The following FAM89A variants were observed in gnomAD, a reference collection of about 807,000 sequenced individuals.
FAM89A encodes protein FAM89A.
FAM89A carries 10 observed loss-of-function variants against 7.1 expected under a neutral mutation model. That is an observed-to-expected ratio of 1.40 (90% CI 0.86 to 2.38). The LOEUF (loss-of-function observed/expected upper bound fraction) is 2.38, where lower values mean the gene tolerates loss of function less well. Ranked by LOEUF, FAM89A falls within the 30% of genes most tolerant of loss-of-function variation. FAM89A has a pLI of 0.00. For missense variants in FAM89A, 276 were observed against 262.8 expected (o/e 1.05, Z -0.35); for synonymous variants, 157 against 129.3 (o/e 1.21, Z -1.45).
chr1:231,039,258 C>A lies in FAM89A; in HGVS notation c.291+663G>T, dbSNP rs182882878. 2.0e-5 allele frequency among the ~76,000 whole-genome samples: 3 copies of A among 152,356 alleles called. No homozygotes were observed. The East Asian group carries it at 5.8e-4, about 29-fold the overall frequency. ...AGGCGAAGAACTCACATGGACAGCA[C>A]CCAGACCGGGAGGACAGCCACCTCC... On this transcript the variant is annotated intron_variant, in intron 1 of 1. Transcript: ENST00000366654.
chr1:231,033,552 C>T (rs1321264037), intron 1 of FAM89A, among the ~76,000 whole-genome samples: 1 of 152,176 alleles, frequency 6.6e-6, no homozygotes, highest in Non-Finnish European at 1.5e-5. Context: ...GCAGGGGAGG[C>T]ACCGCTGTCT....
chr1:231,025,183 G>C (rs1023498573), intron 1 of FAM89A, among the ~76,000 whole-genome samples: 1 of 151,566 alleles, frequency 6.6e-6, no homozygotes, highest in South Asian at 2.1e-4. Context: ...CGGCCTCCCA[G>C]AGTGCTGGGA....
chr1:231,039,630 C>A (rs1441900804), intron 1 of FAM89A, among the ~76,000 whole-genome samples: 1 of 152,186 alleles, frequency 6.6e-6, no homozygotes, highest in Non-Finnish European at 1.5e-5. Context: ...ACGAACCCCG[C>A]ACAGCGCTTC....
At chr1:231,020,499 C>G (rs776804107) in intron 1 of FAM89A, among the ~76,000 whole-genome samples, 1 of 152,152 alleles carries the variant, frequency 6.6e-6, no homozygotes, top group Non-Finnish European at 1.5e-5. Flanking sequence ...CAATCAGACT[C>G]GGAGAAGACC....
Position 231,019,200 on chromosome 1 carries a change from A to T in FAM89A, c.*663T>A, listed in dbSNP as rs1479966401. ...CTTTTTTTTTTTTTCACTATTCAAC[A>T]TGTCTTCGTATTATCTTCCTTCCTC... On this transcript the variant is annotated 3_prime_UTR_variant, in exon 2 of 2. Coordinates refer to ENST00000366654, the MANE Select transcript of FAM89A (RefSeq NM_198552.3). 2.0e-5 allele frequency: 3 copies of T among 149,596 alleles called. No individual in the cohort carries two copies. The highest frequency in any genetic ancestry group is 4.4e-5 in the Non-Finnish European group (3 of 67,586). The allele number at this position is 149,596 out of a possible 1,614,324, so 9.3% of individuals were successfully genotyped here. A position where few individuals can be genotyped will look rare whatever the true frequency, so the allele number is the denominator to read the frequency against.
At chr1:231,033,914 C>T (rs972060537) in intron 1 of FAM89A, among the ~76,000 whole-genome samples, 2 of 152,104 alleles carry the variant, frequency 1.3e-5, no homozygotes, top group Non-Finnish European at 2.9e-5. Context: ...CTGTCCCCCA[C>T]CCCACACCAA....
rs1558252960 is a variant in FAM89A at position 231,019,706 on chromosome 1, G to A, written c.*157C>T. The A allele has an allele frequency of 6.3e-6, 5 of 790,966 alleles. No homozygotes were observed. Among genetic ancestry groups the A allele is most frequent in the East Asian group, 2.7e-5 (1 of 36,882 alleles). The allele number at this position is 790,966 out of a possible 1,614,324, so 49.0% of individuals were successfully genotyped here. A position where few individuals can be genotyped will look rare whatever the true frequency, so the allele number is the denominator to read the frequency against. On this transcript the variant is annotated 3_prime_UTR_variant, in exon 2 of 2. Coordinates refer to ENST00000366654, the MANE Select transcript of FAM89A (RefSeq NM_198552.3). ...AAGCAGACTGCCACCATGCATCCGC[G>A]GAGAACTCCCTGCCTACAAATGAAA...
rs939726036 is a variant in FAM89A at position 231,019,206 on chromosome 1, T to C, written c.*657A>G. 1 of 151,572 alleles carries C rather than the reference T, an allele frequency of 6.6e-6. No individual in the cohort carries two copies. The highest frequency in any genetic ancestry group is 1.5e-5 in the Non-Finnish European group (1 of 67,936). The allele number at this position is 151,572 out of a possible 1,614,324, so 9.4% of individuals were successfully genotyped here. A position where few individuals can be genotyped will look rare whatever the true frequency, so the allele number is the denominator to read the frequency against. ...TTTTTTTTCACTATTCAACATGTCT[T>C]CGTATTATCTTCCTTCCTCTCGTAT... On this transcript the variant is annotated 3_prime_UTR_variant, in exon 2 of 2. Coordinates refer to ENST00000366654, the MANE Select transcript of FAM89A (RefSeq NM_198552.3).
chr1:231,020,859 T>G (rs1679863838), intron 1 of FAM89A, among the ~76,000 whole-genome samples: 1 of 152,232 alleles, frequency 6.6e-6, no homozygotes, highest in Admixed American at 6.5e-5. Flanking sequence ...CTTGTTTATC[T>G]TCCAGTTCCT....
chr1:231,019,267 A>G lies in FAM89A; in HGVS notation c.*596T>C, dbSNP rs2103068398. 1 of 152,186 alleles carries G rather than the reference A, an allele frequency of 6.6e-6. No homozygotes were observed. The highest frequency in any genetic ancestry group is 1.9e-4 in the East Asian group (1 of 5,180). The allele number at this position is 152,186 out of a possible 1,614,324, so 9.4% of individuals were successfully genotyped here. A position where few individuals can be genotyped will look rare whatever the true frequency, so the allele number is the denominator to read the frequency against. On this transcript the variant is annotated 3_prime_UTR_variant, in exon 2 of 2. Coordinates refer to ENST00000366654, the MANE Select transcript of FAM89A (RefSeq NM_198552.3). ...AAGAATGATATAAAATTTTGGTTGA[A>G]AAAAGCCAGTTGATTGGGATGACTA...
At chr1:231,031,941 A>G (rs149737474) in intron 1 of FAM89A, among the ~76,000 whole-genome samples, 1 of 152,326 alleles carries the variant, frequency 6.6e-6, no homozygotes, top group African/African-American at 2.4e-5. Flanking sequence ...ATTGTGGGGG[A>G]CAAGGAGGAC....
chr1:231,034,517 A>C (rs1169927077), intron 1 of FAM89A, among the ~76,000 whole-genome samples: 1 of 151,856 alleles, frequency 6.6e-6, no homozygotes, highest in African/African-American at 2.4e-5. Flanking sequence ...TCACGCCTGT[A>C]ATCCCAGCAC....
chr1:231,021,748 T>G, intron 1 of FAM89A: 6 of 1,602,162 alleles, frequency 3.7e-6, no homozygotes, highest in Non-Finnish European at 5.1e-6. Context: ...GAGATGAAAT[T>G]GTTGACCTCA....
chr1:231,029,574 C>G (rs919061020), intron 1 of FAM89A, among the ~76,000 whole-genome samples: 2 of 152,134 alleles, frequency 1.3e-5, no homozygotes, highest in Non-Finnish European at 2.9e-5. Flanking sequence ...GTGACCAGAT[C>G]TGCAGGACTC....
chr1:231,035,016 C>T (rs572169728), intron 1 of FAM89A, among the ~76,000 whole-genome samples: 1 of 152,334 alleles, frequency 6.6e-6, no homozygotes, highest in Non-Finnish European at 1.5e-5. Context: ...GAATGCTGCA[C>T]TAGGAGCGAA....
At chr1:231,025,736 A>C (rs1558254914) in intron 1 of FAM89A, among the ~76,000 whole-genome samples, 1 of 152,068 alleles carries the variant, frequency 6.6e-6, no homozygotes, top group Non-Finnish European at 1.5e-5. Flanking sequence ...GAAAGAAAGA[A>C]GGAAGAAAGG....
chr1:231,031,977 C>T (rs1680077741), intron 1 of FAM89A, among the ~76,000 whole-genome samples: 1 of 152,166 alleles, frequency 6.6e-6, no homozygotes, highest in African/African-American at 2.4e-5. Flanking sequence ...CCCAAGGCGC[C>T]TTTCCAATCC....
At chr1:231,024,337 T>G (rs1396641091) in intron 1 of FAM89A, among the ~76,000 whole-genome samples, 1 of 152,156 alleles carries the variant, frequency 6.6e-6, no homozygotes, top group Non-Finnish European at 1.5e-5. Flanking sequence ...ATAGTATGGC[T>G]TTCACAAAAG....
At chr1:231,034,874 G>A (rs536502055) in intron 1 of FAM89A, among the ~76,000 whole-genome samples, 1 of 152,228 alleles carries the variant, frequency 6.6e-6, no homozygotes, top group East Asian at 1.9e-4. Flanking sequence ...AAGCAGCCTA[G>A]GAGATTCTGG....
Sources: allele counts gnomAD v4.1 joint callset (sites outside exome capture counted in the v4.1 genomes callset), GRCh38; gene constraint gnomAD v4.1.1; transcripts MANE v1.5; gene names NCBI Gene and HGNC (gene_info 2026-07-23, HGNC 2026-07-21).